CFAP221: variants seen among roughly 807,000 people sequenced by gnomAD.
CFAP221 encodes cilia and flagella associated protein 221, also known as cilia- and flagella-associated protein 221.
CFAP221 carries 97 observed loss-of-function variants against 113.1 expected under a neutral mutation model. That is an observed-to-expected ratio of 0.86 (90% CI 0.73 to 1.02). The LOEUF (loss-of-function observed/expected upper bound fraction) is 1.02, where lower values mean the gene tolerates loss of function less well. CFAP221 is among the 50% of genes least tolerant of loss of function. The pLI, the probability that CFAP221 is intolerant of heterozygous loss-of-function variation, is 0.00. For synonymous variants in CFAP221, 331 were observed against 354.4 expected, an observed-to-expected ratio of 0.93 and a Z score of 0.74; for missense variants, 1,025 against 1,013.4, an observed-to-expected ratio of 1.01 and a Z score of -0.16.
At chr2:119,577,206 C>T (rs1167070362) in intron 6 of CFAP221, among the ~76,000 whole-genome samples, 1 of 152,198 alleles carries the variant, frequency 6.6e-6, no homozygotes, top group African/African-American at 2.4e-5. Flanking sequence ...GCTCCAGTCC[C>T]TTCCTCTTCC....
At chr2:119,556,050 C>G (rs1350624974) in intron 3 of CFAP221, 4 of 152,212 alleles carry the variant, frequency 2.6e-5, no homozygotes, top group African/African-American at 7.2e-5. Flanking sequence ...ACTGAAAAAG[C>G]TCATTGGCAC....
intron 21 of CFAP221, among the ~76,000 whole-genome samples, chr2:119,641,905 C>T (rs2104794159): frequency 6.6e-6 from 1 of 152,286 alleles, no homozygotes; most frequent in South Asian, 2.1e-4. Flanking sequence ...GAAGTGGCGA[C>T]CCGCTGACCA....
intron 7 of CFAP221, among the ~76,000 whole-genome samples, chr2:119,590,464 G>A (rs550391173): frequency 6.6e-6 from 1 of 152,284 alleles, no homozygotes; most frequent in South Asian, 2.1e-4. Flanking sequence ...CAAGCGCACT[G>A]TACCCTGCCT....
At position 119,546,166 on chromosome 2, in the gene CFAP221, A is replaced by C; in HGVS notation, c.35A>C (p.Lys12Thr). The change falls in exon 2 of 24, where the codon AAG becomes ACG. Residue 12 changes from lysine (K) to threonine (T), a missense_variant. Lys to Thr is a moderately conservative substitution (Grantham distance 78). Coordinates refer to ENST00000413369, the MANE Select transcript of CFAP221 (RefSeq NM_001271049.2). ...AVVKTPSRGL[K>T]NAKEPFNNAS... ...GTGAAAACCCCCAGCAGAGGACTAA[A>C]GAATGCTAAAGAACCCTTTAATAAT... 5.2e-6 allele frequency: 8 copies of C among 1,535,628 alleles called. No homozygotes were observed. The highest frequency in any genetic ancestry group is 6.1e-6 in the Non-Finnish European group (7 of 1,146,794).
intron 2 of CFAP221, among the ~76,000 whole-genome samples, chr2:119,546,957 C>A (rs1238022666): frequency 1.3e-5 from 2 of 152,194 alleles, no homozygotes; most frequent in African/African-American, 4.8e-5. Flanking sequence ...ACGTTTTACT[C>A]TTGGAGAAGG....
At chr2:119,644,798 C>T (rs758397426) in intron 21 of CFAP221, among the ~76,000 whole-genome samples, 39 of 152,282 alleles carry the variant, frequency 2.6e-4, no homozygotes, top group Middle Eastern at 3.4e-3. Context: ...GCCTACAGTT[C>T]CAGTCCATAT....
intron 23 of CFAP221, among the ~76,000 whole-genome samples, chr2:119,654,648 A>G (rs1688323992): frequency 6.6e-6 from 1 of 152,204 alleles, no homozygotes; most frequent in Non-Finnish European, 1.5e-5. Context: ...TACTTTACAG[A>G]AAAACAAACT....
intron 6 of CFAP221, among the ~76,000 whole-genome samples, chr2:119,577,908 A>C (rs721791): frequency 0.25 from 38,522 of 152,110 alleles, 5,970 homozygotes; most frequent in African/African-American, 0.44. Context: ...TAACAACAGT[A>C]ATTTATTTTG....
chr2:119,562,534 G>A (rs1382859639), intron 6 of CFAP221, among the ~76,000 whole-genome samples: 7 of 152,118 alleles, frequency 4.6e-5, no homozygotes, highest in Admixed American at 3.9e-4. Flanking sequence ...GAGGGTGGAG[G>A]GGTTGGGGGC....
At chr2:119,647,599 C>T (rs1213271736) in intron 22 of CFAP221, among the ~76,000 whole-genome samples, 2 of 152,162 alleles carry the variant, frequency 1.3e-5, no homozygotes, top group Non-Finnish European at 2.9e-5. Context: ...CCACAGCATA[C>T]AGCATTCGTA....
chr2:119,631,632 G>A (rs561360428), intron 19 of CFAP221, among the ~76,000 whole-genome samples: 3 of 152,262 alleles, frequency 2.0e-5, no homozygotes, highest in South Asian at 2.1e-4. Context: ...CTGAGATCAC[G>A]CCAGTGCACT....
chr2:119,586,300 G>A (rs938970834), intron 6 of CFAP221, among the ~76,000 whole-genome samples: 4 of 152,124 alleles, frequency 2.6e-5, no homozygotes, highest in East Asian at 1.9e-4. Flanking sequence ...CACTGCACAG[G>A]ATGTAGAATT....
intron 6 of CFAP221, chr2:119,580,314 A>G (rs1682758819): frequency 6.6e-6 from 1 of 152,212 alleles, no homozygotes; most frequent in Non-Finnish European, 1.5e-5. Context: ...CATACACTGT[A>G]CGGTGACCCT....
At chr2:119,582,254 T>G (rs1431407439) in intron 6 of CFAP221, among the ~76,000 whole-genome samples, 5 of 152,200 alleles carry the variant, frequency 3.3e-5, no homozygotes, top group Admixed American at 6.5e-5. Context: ...CATATGTTGG[T>G]AAATTTAACT....
At chr2:119,552,365 ATT>A (rs1680496236) in intron 3 of CFAP221, among the ~76,000 whole-genome samples, 1 of 108,878 alleles carries the variant, frequency 9.2e-6, no homozygotes, top group African/African-American at 3.4e-5. Context: ...AAATAGAAAT[ATT>A]TCTTTCTTTA....
At chr2:119,572,577 T>G (rs1682142260) in intron 6 of CFAP221, 1 of 701,278 alleles carries the variant, frequency 1.4e-6, no homozygotes, top group Non-Finnish European at 2.6e-6. Flanking sequence ...GATAACTAGT[T>G]GAAACTTGGA....
intron 3 of CFAP221, 80 bp from the exon 4 acceptor site, chr2:119,559,609 A>G: frequency 8.4e-7 from 1 of 1,188,302 alleles, no homozygotes; most frequent in Non-Finnish European, 1.2e-6. Flanking sequence ...TCTTTTAGGA[A>G]CAGATGAAGT....
chr2:119,626,821 T>C (rs1391706941), intron 15 of CFAP221, among the ~76,000 whole-genome samples: 1 of 151,782 alleles, frequency 6.6e-6, no homozygotes, highest in Non-Finnish European at 1.5e-5. Flanking sequence ...TCCCAGCTAC[T>C]CAGGAAGCTG....
At chr2:119,640,552 T>C (rs1687423820) in intron 21 of CFAP221, among the ~76,000 whole-genome samples, 2 of 152,210 alleles carry the variant, frequency 1.3e-5, no homozygotes, top group South Asian at 4.1e-4. Flanking sequence ...TTGAATTCGC[T>C]TCTTCAGTTC....
Sources: allele counts gnomAD v4.1 joint callset (sites outside exome capture counted in the v4.1 genomes callset), GRCh38; gene constraint gnomAD v4.1.1; transcripts MANE v1.5; gene names NCBI Gene and HGNC (gene_info 2026-07-23, HGNC 2026-07-21).